Variants in RGS6 observed in about 807,000 individuals in gnomAD.
RGS6 encodes regulator of G-protein signaling 6.
RGS6 carries 30 observed loss-of-function variants against 78.5 expected under a neutral mutation model. The ratio of observed to expected loss-of-function variants is 0.38; its 90% confidence interval spans 0.29 to 0.52. The LOEUF is 0.52. Ranked by LOEUF, RGS6 falls within the 20% of genes least tolerant of loss-of-function variation. The pLI, the probability that RGS6 is intolerant of heterozygous loss-of-function variation, is 0.85. For synonymous variants in RGS6, 206 were observed against 206.0 expected (o/e 1.00, Z 0.00); for missense variants, 495 against 609.7 (o/e 0.81, Z 1.98).
chr14:72,416,146 A>G lies in RGS6; in HGVS notation c.185-38382A>G, dbSNP rs975248594. On this transcript the variant is annotated intron_variant, in intron 3 of 17. Coordinates refer to ENST00000553525, the MANE Select transcript of RGS6 (RefSeq NM_001204424.2). ...GGTGACAGAATGAGACTCTGTCTCA[A>G]AAAAAAAAAAAAAAAAGTTTATTCC... 1.0e-4 allele frequency among the ~76,000 whole-genome samples: 8 copies of G among 79,932 alleles called. No individual in the cohort carries two copies. The East Asian group carries it at 7.3e-3, about 73-fold the overall frequency. 52.4% of individuals were successfully genotyped at this position (79,932 alleles called of 152,430 possible). A position where few individuals can be genotyped will look rare whatever the true frequency, so the allele number is the denominator to read the frequency against.
the RGS6 span, among the ~76,000 whole-genome samples, chr14:72,620,757 G>A: frequency 5.3e-5 from 8 of 152,220 alleles, no homozygotes; most frequent in South Asian, 1.0e-3. Context: ...CTCTTCCCTC[G>A]TGCAGCCCTG....
chr14:72,282,345 G>A (rs1353571013), intron 2 of RGS6, among the ~76,000 whole-genome samples: 2 of 152,202 alleles, frequency 1.3e-5, no homozygotes, highest in African/African-American at 4.8e-5. Flanking sequence ...GATCATCAGT[G>A]TGCTACACTT....
At chr14:71,945,355 C>G (rs1246754720) in intron 1 of RGS6, among the ~76,000 whole-genome samples, 1 of 152,152 alleles carries the variant, frequency 6.6e-6, no homozygotes, top group Non-Finnish European at 1.5e-5. Flanking sequence ...GATTCTGATT[C>G]ATACTAATTG....
At chr14:72,039,147 C>T (rs1400524167) in intron 2 of RGS6, among the ~76,000 whole-genome samples, 2 of 152,178 alleles carry the variant, frequency 1.3e-5, no homozygotes, top group Non-Finnish European at 2.9e-5. Context: ...ACATATTCAT[C>T]TCATACTCAG....
chr14:71,899,913 C>T, the RGS6 span, among the ~76,000 whole-genome samples: 6 of 152,184 alleles, frequency 3.9e-5, no homozygotes, highest in African/African-American at 1.4e-4. Flanking sequence ...TGTTTTACAA[C>T]CATCTGTTCT....
the RGS6 span, among the ~76,000 whole-genome samples, chr14:71,919,194 G>C: frequency 3.9e-5 from 6 of 152,142 alleles, no homozygotes; most frequent in African/African-American, 9.7e-5. Flanking sequence ...AGCCTCAGAG[G>C]GGGAGAAGAG....
At chr14:72,324,817 C>T (rs991362689) in intron 2 of RGS6, among the ~76,000 whole-genome samples, 18 of 152,046 alleles carry the variant, frequency 1.2e-4, no homozygotes, top group South Asian at 1.0e-3. Flanking sequence ...AATAAACATA[C>T]GTGTGCATGT....
At chr14:72,242,046 C>T in intron 2 of RGS6, among the ~76,000 whole-genome samples, 1 of 152,176 alleles carries the variant, frequency 6.6e-6, no homozygotes, top group East Asian at 1.9e-4. Context: ...CAAAAGAGTT[C>T]TTTCTCTCTC....
At chr14:72,161,338 A>G (rs2096850065) in intron 2 of RGS6, among the ~76,000 whole-genome samples, 1 of 152,206 alleles carries the variant, frequency 6.6e-6, no homozygotes. Context: ...TACCTATGTA[A>G]GAAACCTGCA....
chr14:72,383,713 C>G (rs1272899441), intron 3 of RGS6, among the ~76,000 whole-genome samples: 2 of 152,062 alleles, frequency 1.3e-5, no homozygotes, highest in Admixed American at 1.3e-4. Context: ...CTGTTTTACT[C>G]TTTCTCAAGA....
intron 2 of RGS6, among the ~76,000 whole-genome samples, chr14:72,247,331 G>A (rs1278100348): frequency 6.6e-6 from 1 of 152,112 alleles, no homozygotes; most frequent in Non-Finnish European, 1.5e-5. Context: ...CCATTAAAAT[G>A]TATACTCTGT....
chr14:72,491,605 A>AT (rs1187535429), intron 12 of RGS6, among the ~76,000 whole-genome samples: 1 of 152,170 alleles, frequency 6.6e-6, no homozygotes, highest in Non-Finnish European at 1.5e-5. Flanking sequence ...GTTATTTTTT[A>AT]TTTTTTTAAT....
rs144167456 is a variant in RGS6 at position 72,356,838 on chromosome 14, C to T, written c.184+4644C>T. On this transcript the variant is annotated intron_variant, in intron 3 of 17. Transcript: ENST00000553525. ...TGCCATGATTGTAAGTTTCCTCAGC[C>T]GTGCTGAACTGTGAGTCAATTAAAC... Among the ~76,000 whole-genome samples the T allele has an allele frequency of 4.0e-3, 606 of 152,214 alleles. 4 individuals carry two copies. Among genetic ancestry groups the T allele is most frequent in the African/African-American group, 0.014 (581 of 41,528 alleles).
chr14:72,405,059 G>T (rs1412640548), intron 3 of RGS6, among the ~76,000 whole-genome samples: 2 of 152,152 alleles, frequency 1.3e-5, no homozygotes, highest in East Asian at 3.9e-4. Context: ...GACTTTTTAA[G>T]ATCAGTGTAA....
At chr14:72,281,549 C>T (rs773273769) in intron 2 of RGS6, among the ~76,000 whole-genome samples, 1 of 150,462 alleles carries the variant, frequency 6.6e-6, no homozygotes, top group Non-Finnish European at 1.5e-5. Context: ...GGAATACATG[C>T]AATAGAGGAA....
At chr14:72,428,296 C>A (rs1198941975) in intron 3 of RGS6, among the ~76,000 whole-genome samples, 5 of 152,084 alleles carry the variant, frequency 3.3e-5, no homozygotes, top group African/African-American at 4.8e-5. Context: ...AGTTACAGGT[C>A]ACCTAATACA....
Position 72,495,272 on chromosome 14 carries a change from G to C in RGS6, c.965+10G>C, listed in dbSNP as rs895877281. 2.6e-6 allele frequency: 4 copies of C among 1,559,908 alleles called. No individual in the cohort carries two copies. The highest frequency in any genetic ancestry group is 3.5e-6 in the Non-Finnish European group (4 of 1,130,662). ...GGGACATAGAGATGAGGTAAAAAATGTTTTAAGGTTTGGGAGTGGGATGAA... is the reference window on the plus strand; with the variant it reads ...GGGACATAGAGATGAGGTAAAAAATCTTTTAAGGTTTGGGAGTGGGATGAA... On this transcript the variant is annotated intron_variant, in intron 13 of 17. Transcript: ENST00000553525.
rs77220969 is a variant in RGS6, at chr14:72,519,650, G to A, written c.1278+1113G>A. Among the ~76,000 whole-genome samples the A allele has an allele frequency of 7.9e-3, 1,203 of 152,270 alleles. 5 individuals carry two copies. The highest frequency in any genetic ancestry group is 0.013 in the Non-Finnish European group (854 of 68,018). On this transcript the variant is annotated intron_variant, in intron 15 of 17. Transcript: ENST00000553525. ...TCCATCAAATGCCTGTGCCAATCACGAAATCATGACTCCTTCATATACCCC... is the reference window on the plus strand; with the variant it reads ...TCCATCAAATGCCTGTGCCAATCACAAAATCATGACTCCTTCATATACCCC...
At chr14:72,355,910 C>A (rs765386854) in intron 3 of RGS6, among the ~76,000 whole-genome samples, 3 of 152,112 alleles carry the variant, frequency 2.0e-5, no homozygotes, top group African/African-American at 7.2e-5. Context: ...GGAGCCAGGG[C>A]AGCTATAATA....
Sources: allele counts gnomAD v4.1 joint callset (sites outside exome capture counted in the v4.1 genomes callset), GRCh38; gene constraint gnomAD v4.1.1; transcripts MANE v1.5; gene names NCBI Gene and HGNC (gene_info 2026-07-23, HGNC 2026-07-21).